The following ABCA13 variants were observed in gnomAD, a reference collection of about 807,000 sequenced individuals.
ABCA13 encodes ATP binding cassette subfamily A member 13, also known as ATP-binding cassette sub-family A member 13.
ABCA13 carries 476 observed loss-of-function variants against 478.7 expected under a neutral mutation model. That is an observed-to-expected ratio of 0.99 (90% CI 0.92 to 1.07). ABCA13 has a LOEUF of 1.07. ABCA13 is among the 50% of genes least tolerant of loss of function. The pLI is 0.00. For synonymous variants in ABCA13, 2,252 were observed against 2,158.9 expected (o/e 1.04, Z -1.20); for missense variants, 6,060 against 5,910.6 (o/e 1.03, Z -0.83).
At chr7:48,616,528 C>T (rs571117184) in intron 59 of ABCA13, among the ~76,000 whole-genome samples, 6 of 152,232 alleles carry the variant, frequency 3.9e-5, no homozygotes, top group South Asian at 2.1e-4. Flanking sequence ...GCCAGCAGGA[C>T]GAAGCACATG....
At chr7:48,412,811 CT>C (rs1240048320) in intron 41 of ABCA13, among the ~76,000 whole-genome samples, 6 of 146,476 alleles carry the variant, frequency 4.1e-5, no homozygotes, top group South Asian at 2.2e-4. Context: ...TTTTAGCATT[CT>C]TTTTTTTTGT....
rs1336453413 is a variant in ABCA13 at position 48,224,760 on chromosome 7, A to C, written c.469-2502A>C. ...TTATATACAGGCAGTGATGTTGTTC[A>C]GAGCGTGTGCTCCCTGATTTAAAAA... On this transcript the variant is annotated intron_variant, in intron 5 of 61. Coordinates refer to ENST00000435803, the MANE Select transcript of ABCA13 (RefSeq NM_152701.5). 2.0e-5 allele frequency among the ~76,000 whole-genome samples: 3 copies of C among 152,174 alleles called. No individual in the cohort carries two copies. In the East Asian group the frequency reaches 5.8e-4, roughly 29 times the overall value.
At chr7:48,584,428 C>T (rs529327515) in intron 56 of ABCA13, among the ~76,000 whole-genome samples, 2 of 152,138 alleles carry the variant, frequency 1.3e-5, no homozygotes, top group African/African-American at 4.8e-5. Flanking sequence ...GGAGTTTGCA[C>T]GCTCTCTCCA....
rs1041089481 is a variant in ABCA13, at chr7:48,217,355, A to C, written c.288-1999A>C. Among the ~76,000 whole-genome samples, 30 of 152,198 alleles carry C rather than the reference A, an allele frequency of 2.0e-4. 1 individual carries two copies. On this transcript the variant is annotated intron_variant, in intron 3 of 61. Transcript: ENST00000435803. ...TGTTTGTCTAAGCAAAAATTAACAA[A>C]AATTGTAATAGAAAGAATAATCATA...
intron 59 of ABCA13, among the ~76,000 whole-genome samples, chr7:48,616,636 G>T (rs1480543805): frequency 6.6e-6 from 1 of 152,176 alleles, no homozygotes; most frequent in Non-Finnish European, 1.5e-5. Flanking sequence ...GGTTGAGCAT[G>T]AATTGTTAGT....
At chr7:48,426,972 C>A (rs1401432497) in intron 41 of ABCA13, among the ~76,000 whole-genome samples, 1 of 152,172 alleles carries the variant, frequency 6.6e-6, no homozygotes, top group Non-Finnish European at 1.5e-5. Context: ...AAGAGTGGAA[C>A]TCCAGCAGTT....
chr7:48,482,851 A>G (rs1828913014), intron 46 of ABCA13, among the ~76,000 whole-genome samples: 1 of 152,198 alleles, frequency 6.6e-6, no homozygotes, highest in Non-Finnish European at 1.5e-5. Context: ...CCTTATCCAC[A>G]CCTTCTCAAT....
chr7:48,327,014 C>T (rs956273198), intron 27 of ABCA13, among the ~76,000 whole-genome samples: 11 of 152,152 alleles, frequency 7.2e-5, no homozygotes, highest in Non-Finnish European at 1.5e-4. Context: ...ACTCTAACAC[C>T]AATAATTTCA....
chr7:48,524,203 G>A (rs921703812), intron 53 of ABCA13, 45 bp from the exon 54 acceptor site: 1 of 1,556,790 alleles, frequency 6.4e-7, no homozygotes, highest in East Asian at 2.3e-5. Context: ...GACTATTCTG[G>A]TATCATTTGC....
chr7:48,492,780 C>A (rs898059268), intron 48 of ABCA13, among the ~76,000 whole-genome samples: 1 of 152,078 alleles, frequency 6.6e-6, no homozygotes, highest in African/African-American at 2.4e-5. Flanking sequence ...AACCCCAGAA[C>A]TTTGGGAGGC....
chr7:48,552,503 G>A (rs1254976948), intron 55 of ABCA13, among the ~76,000 whole-genome samples: 1 of 151,482 alleles, frequency 6.6e-6, no homozygotes, highest in African/African-American at 2.4e-5. Flanking sequence ...GAATAGAAAT[G>A]TATAGGTCTT....
intron 43 of ABCA13, among the ~76,000 whole-genome samples, chr7:48,459,273 C>T (rs1462437701): frequency 6.6e-6 from 1 of 152,146 alleles, no homozygotes; most frequent in East Asian, 1.9e-4. Flanking sequence ...CCTTGAGCAG[C>T]TCCATATTGC....
chr7:48,219,888 A>C (rs1192598607), intron 4 of ABCA13, among the ~76,000 whole-genome samples: 1 of 37,288 alleles, frequency 2.7e-5, no homozygotes, highest in African/African-American at 6.8e-5. Flanking sequence ...CCCCAAACAC[A>C]CACACACACA....
Position 48,279,070 on chromosome 7 carries a change from A to C in ABCA13, c.7876A>C (p.Asn2626His). ...SMSPSILSYM[N>H]QSKDFSDILE... ...GTCACCTAGCATACTCTCATATATGAACCAATCTAAGGACTTTTCTGATAT... is the reference window on the plus strand; with the variant it reads ...GTCACCTAGCATACTCTCATATATGCACCAATCTAAGGACTTTTCTGATAT... The change falls in exon 18 of 62, where the codon AAC becomes CAC. Residue 2626 changes from asparagine (N) to histidine (H), a missense_variant. This residue lies in a region of ABCA13 where 4,423 missense variants were observed against 4,309.1 expected (regional missense o/e 1.03). Coordinates refer to ENST00000435803, the MANE Select transcript of ABCA13 (RefSeq NM_152701.5). The C allele has an allele frequency of 6.2e-7, 1 of 1,612,952 alleles. No homozygotes were observed. Among genetic ancestry groups the C allele is most frequent in the Non-Finnish European group, 8.5e-7 (1 of 1,179,792 alleles).
chr7:48,307,968 G>A (rs910162270), intron 23 of ABCA13, among the ~76,000 whole-genome samples: 1 of 152,166 alleles, frequency 6.6e-6, no homozygotes, highest in Admixed American at 6.6e-5. Flanking sequence ...ATAGGTGTGA[G>A]CAACTGCACC....
At chr7:48,185,911 G>A (rs1215643990) in intron 1 of ABCA13, among the ~76,000 whole-genome samples, 1 of 151,798 alleles carries the variant, frequency 6.6e-6, no homozygotes, top group African/African-American at 2.4e-5. Context: ...ATACTTTTTG[G>A]TATCAATCTT....
intron 3 of ABCA13, among the ~76,000 whole-genome samples, chr7:48,199,636 A>G (rs749373938): frequency 6.6e-6 from 1 of 152,238 alleles, no homozygotes. Flanking sequence ...TAGAAATATG[A>G]TATAAAGAGG....
At position 48,580,266 on chromosome 7, in the gene ABCA13, C is replaced by T; in HGVS notation, c.14397C>T (p.Leu4799=). The T allele has an allele frequency of 1.2e-6, 2 of 1,611,334 alleles. No homozygotes were observed. Among genetic ancestry groups the T allele is most frequent in the Non-Finnish European group, 1.7e-6 (2 of 1,178,856 alleles). Reference sequence around the variant, plus strand: ...CTTCTGCTGGCACGGCAGGCGTGCTCATTGGCTACTGTCCCCAGCAGGATG... The same window carrying T: ...CTTCTGCTGGCACGGCAGGCGTGCTTATTGGCTACTGTCCCCAGCAGGATG... ...DLSSAGTAGV[L]IGYCPQQDAL... Residue 4799 remains leucine, a synonymous_variant, in exon 56 of 62, where the codon CTC becomes CTT. Transcript: ENST00000435803.
intron 47 of ABCA13, among the ~76,000 whole-genome samples, chr7:48,484,232 AAC>A (rs983480608): frequency 1.3e-5 from 2 of 152,332 alleles, no homozygotes; most frequent in Admixed American, 6.5e-5. Context: ...ACAAAATTTT[AAC>A]AGTCATGTAT....
Sources: allele counts gnomAD v4.1 joint callset (sites outside exome capture counted in the v4.1 genomes callset), GRCh38; gene constraint gnomAD v4.1.1; regional missense constraint gnomAD v4.1.1; transcripts MANE v1.5; gene names NCBI Gene and HGNC (gene_info 2026-07-23, HGNC 2026-07-21).